Variants in TUSC3 observed in about 807,000 individuals in gnomAD.
TUSC3 encodes dolichyl-diphosphooligosaccharide--protein glycosyltransferase subunit TUSC3.
TUSC3 carries 45 observed loss-of-function variants against 44.8 expected under a neutral mutation model. The ratio of observed to expected loss-of-function variants is 1.00; its 90% CI spans 0.79 to 1.29. The LOEUF is 1.29. Ranked by LOEUF, TUSC3 falls within the 50% of genes most tolerant of loss-of-function variation. The pLI, the probability that TUSC3 is intolerant of heterozygous loss-of-function variation, is 0.00. For synonymous variants in TUSC3, 212 were observed against 152.9 expected, an observed-to-expected ratio of 1.39 and a Z score of -2.85; for missense variants, 519 against 437.9, an observed-to-expected ratio of 1.19 and a Z score of -1.65.
At chr8:15,623,714 A>T (rs1033682755) in intron 2 of TUSC3, among the ~76,000 whole-genome samples, 4 of 152,164 alleles carry the variant, frequency 2.6e-5, no homozygotes, top group African/African-American at 9.7e-5. Context: ...GAATAAATTA[A>T]AGAAAACTTT....
chr8:15,515,493 G>A (rs967071725), intron 2 of TUSC3, among the ~76,000 whole-genome samples: 2 of 152,056 alleles, frequency 1.3e-5, no homozygotes, highest in Non-Finnish European at 2.9e-5. Context: ...TCTAGCAAAT[G>A]ACTGACGGTA....
intron 1 of TUSC3, among the ~76,000 whole-genome samples, chr8:15,440,862 T>A (rs570790249): frequency 6.6e-6 from 1 of 152,286 alleles, no homozygotes; most frequent in South Asian, 2.1e-4. Context: ...TGCTAGCAAC[T>A]GCCTCCCCAG....
intron 1 of TUSC3, among the ~76,000 whole-genome samples, chr8:15,617,139 T>TGTGTGTGTGTGTGTG (rs772712798): frequency 5.0e-5 from 3 of 60,192 alleles, no homozygotes; most frequent in Admixed American, 1.8e-4. Flanking sequence ...TGTGTATATA[T>TGTGTGTGTGTGTGTG]TTTTTTTTTT....
rs576317696 is a variant in TUSC3, at chr8:15,544,412, T to C, written c.138+3844T>C. The stretch of plus-strand genomic sequence containing the variant: ...AAAGCAGCTGTTATAATAATTAATT[T>C]ATCTTATCTGCAATGAATGTGAGTA... On this transcript the variant is annotated intron_variant, in intron 1 of 10. Transcript: ENST00000503731. Among the ~76,000 whole-genome samples, 143 of 151,912 alleles carry C rather than the reference T, an allele frequency of 9.4e-4. 5 individuals are homozygous for C. The highest frequency in any genetic ancestry group is 1.7e-3 in the Non-Finnish European group (118 of 67,870).
intron 1 of TUSC3, among the ~76,000 whole-genome samples, chr8:15,478,292 T>C (rs1800609397): frequency 6.6e-6 from 1 of 152,118 alleles, no homozygotes; most frequent in Non-Finnish European, 1.5e-5. Flanking sequence ...CTTTTTTAAG[T>C]TCTGGGATAC....
At chr8:15,851,527 A>G in the TUSC3 span, among the ~76,000 whole-genome samples, 1 of 152,216 alleles carries the variant, frequency 6.6e-6, no homozygotes, top group Non-Finnish European at 1.5e-5. Context: ...TTTACAGATG[A>G]AGAAACTCTG....
At chr8:15,849,064 CA>C in the TUSC3 span, among the ~76,000 whole-genome samples, 1 of 152,098 alleles carries the variant, frequency 6.6e-6, no homozygotes, top group Admixed American at 6.6e-5. Flanking sequence ...CATTCATTAG[CA>C]AAATGACTAA....
chr8:15,657,101 A>C (rs1227380741), intron 3 of TUSC3, among the ~76,000 whole-genome samples: 1 of 151,972 alleles, frequency 6.6e-6, no homozygotes, highest in Non-Finnish European at 1.5e-5. Context: ...TCTTTCTCCC[A>C]TTTTCTTGAT....
At chr8:15,577,745 T>C (rs1347367037) in intron 1 of TUSC3, among the ~76,000 whole-genome samples, 8 of 142,278 alleles carry the variant, frequency 5.6e-5, no homozygotes, top group African/African-American at 1.9e-4. Context: ...AGTCAGGTAG[T>C]GTGATGCCTC....
Position 15,675,402 on chromosome 8 carries a change from ATATTG to A in TUSC3, c.798+1571_798+1575del, listed in dbSNP as rs1027104746. 4.8e-5 allele frequency among the ~76,000 whole-genome samples: 7 copies of A among 145,294 alleles called. No homozygotes were observed. The East Asian group carries it at 5.9e-4, about 12-fold the overall frequency. On this transcript the variant is annotated intron_variant, in intron 6 of 10. Transcript: ENST00000503731. Reference sequence around the variant, plus strand: ...CAACATTCTTATGAAATGTTTTAACATATTGTATTCTTTTTTTTTGGGAGGGTTTC... The same window carrying A: ...CAACATTCTTATGAAATGTTTTAACATATTCTTTTTTTTTGGGAGGGTTTC...
At chr8:15,593,930 A>T (rs1180393160) in intron 1 of TUSC3, among the ~76,000 whole-genome samples, 1 of 152,082 alleles carries the variant, frequency 6.6e-6, no homozygotes, top group Non-Finnish European at 1.5e-5. Context: ...TACTCTATAA[A>T]GTTTTCCCTG....
chr8:15,527,251 C>CT (rs1044983802), intron 2 of TUSC3, among the ~76,000 whole-genome samples: 5 of 152,186 alleles, frequency 3.3e-5, no homozygotes, highest in African/African-American at 1.2e-4. Context: ...GAGTCTCACT[C>CT]TGTCACCCAG....
chr8:15,584,266 T>TTAAA (rs1272338472), intron 1 of TUSC3, among the ~76,000 whole-genome samples: 2 of 152,230 alleles, frequency 1.3e-5, no homozygotes, highest in African/African-American at 4.8e-5. Context: ...CAACATTGAC[T>TTAAA]TAAAGGCAGG....
intron 2 of TUSC3, among the ~76,000 whole-genome samples, chr8:15,494,315 A>T (rs1285018278): frequency 1.4e-4 from 14 of 102,366 alleles, no homozygotes; most frequent in South Asian, 3.3e-4. Context: ...CTTATCTCTC[A>T]TCTTCTTTTT....
Position 15,662,247 on chromosome 8 carries a change from A to G in TUSC3, c.659A>G (p.Asn220Ser), listed in dbSNP as rs1265614208. ...GGAGGTTTGCTTTATTTGAGAAGGA[A>G]CAACTTGGAGTTCATCTATAACAAG... ...LVGGLLYLRR[N>S]NLEFIYNKTG... The change falls in exon 5 of 11, where the codon AAC becomes AGC. Residue 220 changes from asparagine to serine, a missense_variant. Transcript: ENST00000503731. 6.2e-7 allele frequency: 1 copy of G among 1,613,142 alleles called. No homozygotes were observed. Among genetic ancestry groups the G allele is most frequent in the Non-Finnish European group, 8.5e-7 (1 of 1,179,334 alleles).
At chr8:15,757,894 A>G in intron 10 of TUSC3, 39 bp downstream of exon 10, 1 of 1,452,942 alleles carries the variant, frequency 6.9e-7, no homozygotes. Context: ...AGTTTTCCTC[A>G]TTTTTCAAAT....
chr8:15,582,010 G>C (rs1028572989), intron 1 of TUSC3, among the ~76,000 whole-genome samples: 2 of 151,964 alleles, frequency 1.3e-5, no homozygotes, highest in East Asian at 1.9e-4. Context: ...ATAATCTTGT[G>C]GTGCGCCGCT....
intron 6 of TUSC3, among the ~76,000 whole-genome samples, chr8:15,683,687 C>G (rs1286048245): frequency 6.6e-6 from 1 of 152,056 alleles, no homozygotes; most frequent in Non-Finnish European, 1.5e-5. Context: ...TAGTGCAATC[C>G]TTTGGATATT....
chr8:15,838,825 G>T, the TUSC3 span, among the ~76,000 whole-genome samples: 1 of 152,104 alleles, frequency 6.6e-6, no homozygotes, highest in Non-Finnish European at 1.5e-5. Flanking sequence ...GCTTAGGATT[G>T]TCTTGGCAAT....
Sources: allele counts gnomAD v4.1 joint callset (sites outside exome capture counted in the v4.1 genomes callset), GRCh38; gene constraint gnomAD v4.1.1; transcripts MANE v1.5; gene names NCBI Gene and HGNC (gene_info 2026-07-23, HGNC 2026-07-21).